The following PCDHA9 variants were observed in gnomAD, a reference collection of about 807,000 sequenced individuals.
PCDHA9 encodes protocadherin alpha-9.
PCDHA9 carries 62 observed loss-of-function variants against 62.0 expected under a neutral mutation model. The ratio of observed to expected loss-of-function variants is 1.00; its 90% CI spans 0.81 to 1.23. The LOEUF is 1.23. PCDHA9 is among the 50% of genes most tolerant of loss of function. The pLI, the probability that PCDHA9 is intolerant of heterozygous loss-of-function variation, is 0.00. For missense variants in PCDHA9, 1,205 were observed against 1,249.8 expected, an observed-to-expected ratio of 0.96 and a Z score of 0.54; for synonymous variants, 557 against 567.6, an observed-to-expected ratio of 0.98 and a Z score of 0.27.
At chr5:140,858,089 G>T in intron 1 of PCDHA9, 2 of 1,597,872 alleles carry the variant, frequency 1.3e-6, no homozygotes, top group East Asian at 2.2e-5. Flanking sequence ...CTCGTCGCGG[G>T]CTTCAGTGGG....
intron 1 of PCDHA9, chr5:140,967,255 T>G (rs202164321): frequency 2.5e-6 from 4 of 1,613,342 alleles, no homozygotes; most frequent in Non-Finnish European, 3.4e-6. Context: ...CGGTGGCGCC[T>G]GGAGCGCGCT....
At chr5:140,971,977 G>A (rs891260348) in intron 1 of PCDHA9, among the ~76,000 whole-genome samples, 1 of 152,022 alleles carries the variant, frequency 6.6e-6, no homozygotes, top group Non-Finnish European at 1.5e-5. Context: ...AATACTATGA[G>A]TAGACAGAAG....
At chr5:140,896,033 A>G (rs994719566) in intron 1 of PCDHA9, among the ~76,000 whole-genome samples, 2 of 151,874 alleles carry the variant, frequency 1.3e-5, no homozygotes, top group East Asian at 1.9e-4. Flanking sequence ...CTGGTCTCGA[A>G]CTCCTGACCT....
At chr5:140,919,254 T>A (rs1554198989) in intron 1 of PCDHA9, among the ~76,000 whole-genome samples, 1 of 152,266 alleles carries the variant, frequency 6.6e-6, no homozygotes. Context: ...CTGTTTTGTC[T>A]GATATTAGTG....
intron 1 of PCDHA9, among the ~76,000 whole-genome samples, chr5:140,895,476 G>A (rs928938592): frequency 6.6e-6 from 1 of 152,074 alleles, no homozygotes; most frequent in Non-Finnish European, 1.5e-5. Context: ...ATCCTCTTCG[G>A]AGAAATACCT....
intron 1 of PCDHA9, among the ~76,000 whole-genome samples, chr5:140,890,049 G>T (rs1488374417): frequency 1.3e-5 from 2 of 152,158 alleles, no homozygotes; most frequent in Non-Finnish European, 2.9e-5. Flanking sequence ...GTGTGTTGGA[G>T]CTGGCTCTTT....
At chr5:140,967,156 G>A (rs1169438367) in intron 1 of PCDHA9, 1 of 1,610,422 alleles carries the variant, frequency 6.2e-7, no homozygotes, top group Admixed American at 1.7e-5. Context: ...ACCCCGTGGC[G>A]GTGAGCGCCG....
At chr5:140,987,635 G>A (rs2097262928) in intron 3 of PCDHA9, among the ~76,000 whole-genome samples, 3 of 152,176 alleles carry the variant, frequency 2.0e-5, no homozygotes, top group Non-Finnish European at 4.4e-5. Context: ...ATGAGATAAT[G>A]CACACATATT....
intron 1 of PCDHA9, chr5:140,857,099 G>C (rs2044359336): frequency 1.9e-6 from 3 of 1,597,240 alleles, no homozygotes; most frequent in Non-Finnish European, 2.6e-6. Context: ...TGAGGTGATT[G>C]TCACTTCTCT....
intron 1 of PCDHA9, chr5:140,969,476 A>G: frequency 6.8e-7 from 1 of 1,473,576 alleles, no homozygotes; most frequent in Non-Finnish European, 9.0e-7. Context: ...CAATTTGATC[A>G]TAATCTGCTA....
At chr5:140,971,419 G>A (rs1554233321) in intron 1 of PCDHA9, among the ~76,000 whole-genome samples, 1 of 152,140 alleles carries the variant, frequency 6.6e-6, no homozygotes. Context: ...TGGAAATCCA[G>A]TGAAGAACCC....
chr5:140,923,275 CA>C (rs1328074482), intron 1 of PCDHA9, among the ~76,000 whole-genome samples: 2 of 152,128 alleles, frequency 1.3e-5, no homozygotes, highest in Admixed American at 1.3e-4. Context: ...CTTGTCTCTA[CA>C]AAAAATTAAA....
At chr5:140,944,335 G>A (rs1196825895) in intron 1 of PCDHA9, among the ~76,000 whole-genome samples, 1 of 151,986 alleles carries the variant, frequency 6.6e-6, no homozygotes, top group African/African-American at 2.4e-5. Context: ...TTACAAGCAC[G>A]TGCCACCACA....
At position 140,849,854 on chromosome 5, in the gene PCDHA9, A is replaced by T. The variant is rs1431626107; in HGVS notation, c.1359A>T (p.Pro453=). 3.8e-6 allele frequency: 6 copies of T among 1,598,364 alleles called. 1 individual carries two copies. Among genetic ancestry groups the T allele is most frequent in the East Asian group, 2.2e-5 (1 of 44,850 alleles). The change falls in exon 1 of 4, where the codon CCA becomes CCT. Residue 453 remains proline, a synonymous_variant. Coordinates refer to ENST00000532602, the MANE Select transcript of PCDHA9 (RefSeq NM_031857.2). ...TGGCCGACGTGAACGACAACGCACC[A>T]GCGTTCGCGCAGTCCGAGTACACGG... ...VEVADVNDNA[P]AFAQSEYTVF...
intron 1 of PCDHA9, chr5:140,967,272 T>A: frequency 1.2e-6 from 2 of 1,613,412 alleles, no homozygotes; most frequent in Non-Finnish European, 1.7e-6. Context: ...CGCTTTCACA[T>A]AGAGAGTGCG....
chr5:140,876,723 C>A (rs782820769), intron 1 of PCDHA9: 15 of 1,614,132 alleles, frequency 9.3e-6, no homozygotes, highest in East Asian at 2.2e-5. Context: ...ACCGCGAGAG[C>A]GTGTCGGCCT....
intron 1 of PCDHA9, among the ~76,000 whole-genome samples, chr5:140,923,034 C>T (rs1252133915): frequency 6.6e-6 from 1 of 152,174 alleles, no homozygotes; most frequent in Non-Finnish European, 1.5e-5. Context: ...TCTATTACTA[C>T]ATGTATAGTA....
intron 1 of PCDHA9, chr5:140,883,569 C>A (rs781786717): frequency 1.9e-6 from 3 of 1,614,134 alleles, no homozygotes; most frequent in South Asian, 2.2e-5. Flanking sequence ...GGCTCGCCTT[C>A]GCTGTGGGCC....
In PCDHA9 at chr5:140,850,223, AGT is replaced by A. The variant is rs2041441871; in HGVS notation, c.1730_1731del (p.Val577GlufsTer132). The A allele has an allele frequency of 1.0e-5, 16 of 1,593,640 alleles. 2 individuals carry two copies. Among genetic ancestry groups the A allele is most frequent in the Non-Finnish European group, 1.2e-5 (14 of 1,167,580 alleles). ...CTCGGATGAGGGGCACTGACGGCGC[AGT>A]GAGCGAGATGGTGCTGCGGTCGGTG... ...TPRMRGTDGAVSEMVLRSVGA... is the reference protein window; with the variant it reads ...TPRMRGTDGAXSEMVLRSVGA... On this transcript the variant is annotated frameshift_variant, in exon 1 of 4. Transcript: ENST00000532602. LOFTEE classifies it high-confidence loss of function.
Sources: gnomAD v4.1 joint callset for allele counts (sites outside exome capture counted in the v4.1 genomes callset) on GRCh38, gnomAD v4.1.1 for gene constraint, MANE v1.5 for transcripts, NCBI Gene and HGNC (gene_info 2026-07-23, HGNC 2026-07-21) for gene names.